EFHC1: variants seen among roughly 807,000 people sequenced by gnomAD.
EFHC1 encodes EF-hand domain containing 1.
Under a neutral mutation model 69.9 loss-of-function variants are expected in EFHC1, and 53 were observed. The observed-to-expected ratio is 0.76, with a 90% CI of 0.61 to 0.95. The LOEUF (loss-of-function observed/expected upper bound fraction) is 0.95. Ranked by LOEUF, EFHC1 falls within the 40% of genes least tolerant of loss-of-function variation. EFHC1 has a pLI of 0.00. For missense variants in EFHC1, 739 were observed against 798.7 expected, an observed-to-expected ratio of 0.93 and a Z score of 0.90; for synonymous variants, 256 against 278.4, an observed-to-expected ratio of 0.92 and a Z score of 0.80.
intron 7 of EFHC1, among the ~76,000 whole-genome samples, chr6:52,474,809 T>A (rs1291924925): frequency 2.6e-5 from 4 of 152,208 alleles, no homozygotes; most frequent in Non-Finnish European, 5.9e-5. Flanking sequence ...AACAAAACTT[T>A]ATGGATGTCT....
rs911345032 is a variant in EFHC1, at chr6:52,493,414, C to T, written c.*1073C>T. 128 of 315,186 alleles carry T rather than the reference C, an allele frequency of 4.1e-4. No individual in the cohort carries two copies. Among genetic ancestry groups the T allele is most frequent in the African/African-American group, 3.0e-3 (108 of 35,848 alleles). 19.5% of individuals were successfully genotyped at this position (315,186 alleles called of 1,614,324 possible). A position where few individuals can be genotyped will look rare whatever the true frequency, so the allele number is the denominator to read the frequency against. On this transcript the variant is annotated 3_prime_UTR_variant, in exon 11 of 11. Transcript: ENST00000371068. Reference sequence around the variant, plus strand: ...ATATGTACACATTCATACACACACACGCTTATATGTATACATATAGTATGT... The same window carrying T: ...ATATGTACACATTCATACACACACATGCTTATATGTATACATATAGTATGT...
At chr6:52,451,237 G>A (rs1323645825) in intron 3 of EFHC1, among the ~76,000 whole-genome samples, 1 of 152,156 alleles carries the variant, frequency 6.6e-6, no homozygotes, top group East Asian at 1.9e-4. Context: ...AGTGTCACTG[G>A]TCTGTGTACT....
chr6:52,471,347 A>G (rs1055873504), intron 7 of EFHC1, among the ~76,000 whole-genome samples: 1 of 152,236 alleles, frequency 6.6e-6, no homozygotes, highest in Admixed American at 6.5e-5. Flanking sequence ...ATCCTGGATT[A>G]TAATAACCCC....
At chr6:52,481,088 G>A (rs772042921) in intron 9 of EFHC1, among the ~76,000 whole-genome samples, 2 of 152,176 alleles carry the variant, frequency 1.3e-5, no homozygotes, top group Non-Finnish European at 1.5e-5. Context: ...GGCAAGAGAC[G>A]GTGATGTTTG....
At chr6:52,451,232 C>G (rs552735032) in intron 3 of EFHC1, among the ~76,000 whole-genome samples, 25 of 152,170 alleles carry the variant, frequency 1.6e-4, no homozygotes, top group Non-Finnish European at 3.2e-4. Context: ...TTTATAGTGT[C>G]ACTGGTCTGT....
rs139535415 is a variant in EFHC1, at chr6:52,481,342, T to A, written c.1640+1555T>A. Among the ~76,000 whole-genome samples the A allele has an allele frequency of 1.7e-3, 257 of 152,114 alleles. 2 individuals are homozygous for A. The highest frequency in any genetic ancestry group is 5.7e-3 in the African/African-American group (237 of 41,484). ...CTTCTTTGTTGGTTGGGGTGGGGAT[T>A]TCAGTTCTGGATATATCGTATATTA... On this transcript the variant is annotated intron_variant, in intron 9 of 10. Coordinates refer to ENST00000371068, the MANE Select transcript of EFHC1 (RefSeq NM_018100.4).
At chr6:52,473,272 T>C (rs1386397114) in intron 7 of EFHC1, among the ~76,000 whole-genome samples, 2 of 152,188 alleles carry the variant, frequency 1.3e-5, no homozygotes, top group Non-Finnish European at 2.9e-5. Flanking sequence ...GAAAGGAAGA[T>C]GTTTCTAATC....
chr6:52,492,236 T>A (rs748653881), intron 10 of EFHC1, 34 bp from the exon 11 acceptor site: 1 of 1,597,846 alleles, frequency 6.3e-7, no homozygotes, highest in Non-Finnish European at 8.6e-7. Context: ...GCCCTGCAGA[T>A]CTGTCTCACC....
chr6:52,431,149 T>A (rs996165864), intron 2 of EFHC1, among the ~76,000 whole-genome samples: 2 of 152,164 alleles, frequency 1.3e-5, no homozygotes, highest in African/African-American at 4.8e-5. Context: ...AAGAACCAGC[T>A]TTTTGTTTCA....
At chr6:52,439,704 G>A (rs1212324278) in intron 3 of EFHC1, among the ~76,000 whole-genome samples, 1 of 152,146 alleles carries the variant, frequency 6.6e-6, no homozygotes, top group Non-Finnish European at 1.5e-5. Context: ...GAATGCCTCA[G>A]TGATAAGATG....
chr6:52,474,601 C>G (rs947745343), intron 7 of EFHC1, among the ~76,000 whole-genome samples: 2 of 152,134 alleles, frequency 1.3e-5, no homozygotes, highest in African/African-American at 4.8e-5. Context: ...ACCTAAATGT[C>G]TACCTACAAC....
At chr6:52,465,989 A>G (rs1357544414) in intron 6 of EFHC1, among the ~76,000 whole-genome samples, 1 of 151,572 alleles carries the variant, frequency 6.6e-6, no homozygotes. Flanking sequence ...ACCTGGAAAT[A>G]TACTTTGGGA....
rs143555978 is a variant in EFHC1, at chr6:52,447,058, A to T, written c.574-5630A>T. Among the ~76,000 whole-genome samples the T allele has an allele frequency of 9.7e-4, 147 of 152,254 alleles. 2 individuals carry two copies. The East Asian group carries it at 0.026, about 27-fold the overall frequency. On this transcript the variant is annotated intron_variant, in intron 3 of 10. Transcript: ENST00000371068. ...ATGTGCCTTGGAGTTGCTCTTCTCA[A>T]GGAGTATCTTTGTGGCATTCTCTGT...
Position 52,492,665 on chromosome 6 carries a change from A to C in EFHC1, c.*324A>C, listed in dbSNP as rs1233088054. The C allele has an allele frequency of 2.2e-6, 1 of 463,908 alleles. No homozygotes were observed. Among genetic ancestry groups the C allele is most frequent in the Admixed American group, 2.4e-5 (1 of 42,156 alleles). The allele number at this position is 463,908 out of a possible 1,614,324, so 28.7% of individuals were successfully genotyped here. A position where few individuals can be genotyped will look rare whatever the true frequency, so the allele number is the denominator to read the frequency against. On this transcript the variant is annotated 3_prime_UTR_variant, in exon 11 of 11. Transcript: ENST00000371068. ...GATCTCACTCTGTCATACAGGCTGG[A>C]GTGTGGTGGCACTATCCTAGTTCTA...
intron 5 of EFHC1, among the ~76,000 whole-genome samples, chr6:52,455,681 G>A (rs1213019650): frequency 6.6e-6 from 1 of 152,006 alleles, no homozygotes; most frequent in Admixed American, 6.6e-5. Flanking sequence ...GAAATTTCAG[G>A]TATTGAGCAA....
intron 3 of EFHC1, among the ~76,000 whole-genome samples, chr6:52,444,906 A>G (rs889793127): frequency 3.9e-5 from 6 of 152,250 alleles, no homozygotes; most frequent in East Asian, 1.9e-4. Flanking sequence ...TCGGGTGTGA[A>G]TCTGTCTGGT....
At chr6:52,468,941 C>T in intron 6 of EFHC1, 1 of 292,252 alleles carries the variant, frequency 3.4e-6, no homozygotes, top group Non-Finnish European at 6.6e-6. Context: ...ACTATATGGA[C>T]TTACTTGTTA....
chr6:52,421,671 A>G (rs1035110342), intron 1 of EFHC1, among the ~76,000 whole-genome samples: 1 of 152,248 alleles, frequency 6.6e-6, no homozygotes, highest in Non-Finnish European at 1.5e-5. Flanking sequence ...GGAAGAATCA[A>G]TTTAGAATGA....
intron 6 of EFHC1, among the ~76,000 whole-genome samples, chr6:52,465,968 T>G (rs1765298898): frequency 6.6e-6 from 1 of 151,164 alleles, no homozygotes; most frequent in Admixed American, 6.6e-5. Flanking sequence ...TAGATATATC[T>G]CATATCTTTT....
Sources: gnomAD v4.1 joint callset for allele counts (sites outside exome capture counted in the v4.1 genomes callset) on GRCh38, gnomAD v4.1.1 for gene constraint, MANE v1.5 for transcripts, NCBI Gene and HGNC (gene_info 2026-07-23, HGNC 2026-07-21) for gene names.